The following FAM114A2 variants were observed in gnomAD, a reference collection of about 807,000 sequenced individuals.
FAM114A2 encodes family with sequence similarity 114 member A2.
FAM114A2 carries 53 observed loss-of-function variants against 58.4 expected under a neutral mutation model. That is an observed-to-expected ratio of 0.91 (90% confidence interval 0.73 to 1.14). The LOEUF (loss-of-function observed/expected upper bound fraction) is 1.14, where lower values mean the gene tolerates loss of function less well. FAM114A2 is among the 50% of genes most tolerant of loss of function. FAM114A2 has a pLI of 0.00. For missense variants in FAM114A2, 601 were observed against 581.1 expected, an observed-to-expected ratio of 1.03 and a Z score of -0.35; for synonymous variants, 228 against 211.4, an observed-to-expected ratio of 1.08 and a Z score of -0.68.
intron 9 of FAM114A2, among the ~76,000 whole-genome samples, chr5:154,007,949 C>T (rs897772234): frequency 6.6e-6 from 1 of 152,096 alleles, no homozygotes; most frequent in African/African-American, 2.4e-5. Context: ...AAAGGTCACA[C>T]AGAAAGTAAT....
At chr5:154,035,871 T>C (rs992101947) in intron 1 of FAM114A2, among the ~76,000 whole-genome samples, 2 of 152,248 alleles carry the variant, frequency 1.3e-5, no homozygotes, top group African/African-American at 2.4e-5. Flanking sequence ...TATTTTTTAT[T>C]TGAGCCATTC....
At chr5:154,029,346 G>A in intron 5 of FAM114A2, 143 bp downstream of exon 5, 1 of 550,970 alleles carries the variant, frequency 1.8e-6, no homozygotes, top group Non-Finnish European at 3.3e-6. Flanking sequence ...CCACCCATAA[G>A]ACCAAAGTGA....
chr5:154,004,259 C>G (rs1464330266), intron 9 of FAM114A2, among the ~76,000 whole-genome samples: 1 of 152,168 alleles, frequency 6.6e-6, no homozygotes, highest in Non-Finnish European at 1.5e-5. Context: ...TTCTTCTGTT[C>G]TCCTCTGACC....
At chr5:154,008,116 C>T (rs575244420) in intron 9 of FAM114A2, among the ~76,000 whole-genome samples, 3 of 151,930 alleles carry the variant, frequency 2.0e-5, no homozygotes, top group Non-Finnish European at 2.9e-5. Flanking sequence ...AAAAGCAGAG[C>T]GCTAAAGAAC....
chr5:154,032,261 CCT>C (rs1410236003), intron 4 of FAM114A2, among the ~76,000 whole-genome samples: 1 of 152,172 alleles, frequency 6.6e-6, no homozygotes, highest in Non-Finnish European at 1.5e-5. Context: ...GGTTTGTGTT[CCT>C]TTTTCCCAGG....
chr5:154,029,886 A>G (rs1217846585), intron 4 of FAM114A2, among the ~76,000 whole-genome samples: 2 of 152,212 alleles, frequency 1.3e-5, no homozygotes, highest in East Asian at 3.8e-4. Flanking sequence ...AAGGTCAGAA[A>G]ACAGATCAGT....
intron 9 of FAM114A2, among the ~76,000 whole-genome samples, chr5:154,006,546 A>G (rs1770357673): frequency 6.6e-6 from 1 of 152,154 alleles, no homozygotes; most frequent in Non-Finnish European, 1.5e-5. Context: ...GAGGATGAGG[A>G]GTGTGACAGA....
At chr5:154,010,701 T>C (rs1770634754) in intron 9 of FAM114A2, among the ~76,000 whole-genome samples, 1 of 152,158 alleles carries the variant, frequency 6.6e-6, no homozygotes, top group African/African-American at 2.4e-5. Context: ...TGAGCTTTGA[T>C]TAAAGTCTCT....
chr5:154,031,903 T>A (rs1047836090), intron 4 of FAM114A2, among the ~76,000 whole-genome samples: 1 of 152,204 alleles, frequency 6.6e-6, no homozygotes. Flanking sequence ...GAAAGCTAAG[T>A]TACACAAAAA....
intron 7 of FAM114A2, 74 bp downstream of exon 7, chr5:154,027,102 C>T: frequency 8.0e-7 from 1 of 1,255,250 alleles, no homozygotes; most frequent in Non-Finnish European, 1.1e-6. Flanking sequence ...TCCAAATGTA[C>T]AAAGAGAAAG....
At chr5:154,009,474 A>C (rs1770557555) in intron 9 of FAM114A2, among the ~76,000 whole-genome samples, 1 of 152,220 alleles carries the variant, frequency 6.6e-6, no homozygotes, top group Non-Finnish European at 1.5e-5. Flanking sequence ...TTCACATTAA[A>C]TATTGGTGCC....
chr5:154,017,028 CAA>C, intron 8 of FAM114A2, among the ~76,000 whole-genome samples: 1 of 152,270 alleles, frequency 6.6e-6, no homozygotes, highest in African/African-American at 2.4e-5. Context: ...TTAAAAAAGA[CAA>C]AGAGGGACAT....
At chr5:154,006,126 G>T (rs1203420248) in intron 9 of FAM114A2, among the ~76,000 whole-genome samples, 1 of 152,188 alleles carries the variant, frequency 6.6e-6, no homozygotes, top group African/African-American at 2.4e-5. Context: ...CTTGGAAACA[G>T]AAAAATGCAA....
chr5:153,997,782 G>C, intron 12 of FAM114A2, 21 bp downstream of exon 12: 1 of 1,410,742 alleles, frequency 7.1e-7, no homozygotes, highest in Non-Finnish European at 1.0e-6. Flanking sequence ...CATTATTGCA[G>C]TAAGAGGCAT....
chr5:154,001,306 C>T (rs1046759104), intron 11 of FAM114A2, among the ~76,000 whole-genome samples: 1 of 152,226 alleles, frequency 6.6e-6, no homozygotes, highest in East Asian at 1.9e-4. Flanking sequence ...CTATTTTAGA[C>T]TTTGTGGTGA....
At chr5:154,036,734 T>G (rs1278088523) in intron 1 of FAM114A2, 1 of 152,170 alleles carries the variant, frequency 6.6e-6, no homozygotes, top group East Asian at 1.9e-4. Context: ...GAAATAAGCC[T>G]AGAGTAGTGG....
Position 154,034,805 on chromosome 5 carries a change from C to T in FAM114A2, c.149G>A (p.Arg50Gln), listed in dbSNP as rs756758435. 1.4e-5 allele frequency: 22 copies of T among 1,613,834 alleles called. No homozygotes were observed. Among genetic ancestry groups the T allele is most frequent in the Admixed American group, 1.3e-4 (8 of 59,988 alleles). ...GGAAGGTTTGGTCTCTGGTCTTTTC[C>T]GAGTGGAAACTACAGGTTCTGATTT... The part of the protein sequence containing the change: ...ESKSEPVVST[R>Q]KRPETKPSSD... Residue 50 changes from arginine to glutamine, a missense_variant, in exon 2 of 14, where the codon CGG becomes CAG. Transcript: ENST00000351797.
chr5:154,036,040 T>C (rs894145113), intron 1 of FAM114A2, among the ~76,000 whole-genome samples: 2 of 152,234 alleles, frequency 1.3e-5, no homozygotes, highest in African/African-American at 2.4e-5. Flanking sequence ...GATTTTTTTT[T>C]TACTGTTGAG....
At chr5:154,032,831 G>C (rs1334213995) in intron 4 of FAM114A2, among the ~76,000 whole-genome samples, 1 of 152,176 alleles carries the variant, frequency 6.6e-6, no homozygotes, top group Non-Finnish European at 1.5e-5. Flanking sequence ...ACATCATTGA[G>C]CCACTAAACT....
Sources: gnomAD v4.1 joint callset for allele counts (sites outside exome capture counted in the v4.1 genomes callset) on GRCh38, gnomAD v4.1.1 for gene constraint, MANE v1.5 for transcripts, NCBI Gene and HGNC (gene_info 2026-07-23, HGNC 2026-07-21) for gene names.